GSTT4: variants seen among roughly 807,000 people sequenced by gnomAD.
The protein encoded by GSTT4 is glutathione S-transferase theta 4.
chr22:23,993,271 C>CA, the GSTT4 span, among the ~76,000 whole-genome samples: 3 of 152,194 alleles, frequency 2.0e-5, no homozygotes, highest in African/African-American at 7.2e-5. Flanking sequence ...CTGCGTTGCC[C>CA]AGGCTGGTCT....
downstream of GSTT4, among the ~76,000 whole-genome samples, chr22:23,993,540 C>G (rs1448970452): frequency 6.6e-6 from 1 of 152,216 alleles, no homozygotes; most frequent in Non-Finnish European, 1.5e-5. Context: ...GATTCAGAAC[C>G]TGGGCTGGAG....
chr22:23,990,004 G>C, the GSTT4 span, among the ~76,000 whole-genome samples: 7,581 of 115,218 alleles, frequency 0.066, 87 homozygotes, highest in East Asian at 0.09. Context: ...GTTGGGAAGA[G>C]TCAGCTGAGC....
intron 2 of GSTT4, among the ~76,000 whole-genome samples, chr22:24,002,428 G>A (rs2034252206): frequency 6.6e-6 from 1 of 152,272 alleles, no homozygotes; most frequent in Non-Finnish European, 1.5e-5. Context: ...CGCAGAACAA[G>A]GGCTCCTTTA....
the GSTT4 span, chr22:23,991,209 T>C: frequency 0.012 from 907 of 75,602 alleles, 8 homozygotes; most frequent in Middle Eastern, 0.022. Flanking sequence ...TAGATAATTA[T>C]GTAATAGTTT....
At chr22:23,993,544 G>A (rs1349010667), downstream of GSTT4, among the ~76,000 whole-genome samples, 2 of 152,238 alleles carry the variant, frequency 1.3e-5, no homozygotes, top group Non-Finnish European at 2.9e-5. Context: ...CAGAACCTGG[G>A]CTGGAGGCCC....
chr22:23,989,688 G>C, the GSTT4 span, among the ~76,000 whole-genome samples: 1 of 151,216 alleles, frequency 6.6e-6, no homozygotes, highest in Non-Finnish European at 1.5e-5. Context: ...TCAGCCCCCG[G>C]TGGCTCAGCT....
chr22:24,002,496 G>A (rs1239112711), intron 2 of GSTT4, among the ~76,000 whole-genome samples: 6 of 152,262 alleles, frequency 3.9e-5, no homozygotes, highest in Admixed American at 3.3e-4. Context: ...GAGAGCTATC[G>A]GTTAAAAAGT....
chr22:24,001,715 A>G (rs1298320158), intron 2 of GSTT4, among the ~76,000 whole-genome samples: 4 of 152,250 alleles, frequency 2.6e-5, no homozygotes, highest in Admixed American at 1.3e-4. Context: ...GGGGGGCACG[A>G]TGGCTCACAC....
At chr22:23,993,029 T>C in the GSTT4 span, among the ~76,000 whole-genome samples, 93 of 151,430 alleles carry the variant, frequency 6.1e-4, no homozygotes, top group East Asian at 5.8e-3. Context: ...CACCTCAGCC[T>C]CCCACAGTGC....
chr22:23,992,087 G>A, the GSTT4 span, among the ~76,000 whole-genome samples: 3 of 140,774 alleles, frequency 2.1e-5, no homozygotes, highest in East Asian at 2.1e-4. Context: ...AGAGGAGAAA[G>A]GAGGTGCAGC....
At chr22:23,999,167 C>T (rs1042059166) in intron 4 of GSTT4, among the ~76,000 whole-genome samples, 3 of 152,062 alleles carry the variant, frequency 2.0e-5, no homozygotes, top group Non-Finnish European at 4.4e-5. Context: ...GGAGACCTGG[C>T]GGGCAGTCTA....
chr22:23,994,763 A>G (rs973089204), downstream of GSTT4, among the ~76,000 whole-genome samples: 1 of 152,046 alleles, frequency 6.6e-6, no homozygotes, highest in Non-Finnish European at 1.5e-5. Flanking sequence ...CTTTTTCTGC[A>G]CCAAACGCAT....
At chr22:23,994,158 A>G (rs2034094351), downstream of GSTT4, among the ~76,000 whole-genome samples, 2 of 151,494 alleles carry the variant, frequency 1.3e-5, no homozygotes, top group South Asian at 2.1e-4. Context: ...AAAAAGAGCC[A>G]CAATTTATGC....
At chr22:23,990,735 T>TATCA in the GSTT4 span, among the ~76,000 whole-genome samples, 1 of 93,578 alleles carries the variant, frequency 1.1e-5, no homozygotes, top group African/African-American at 3.7e-5. Flanking sequence ...AACGAGGCAG[T>TATCA]TTGTTTTTTC....
At chr22:23,991,005 A>G in the GSTT4 span, among the ~76,000 whole-genome samples, 260 of 73,332 alleles carry the variant, frequency 3.5e-3, 84 homozygotes, top group Non-Finnish European at 6.0e-3. Context: ...ACCTCCTCTC[A>G]ATAATAATAA....
downstream of GSTT4, among the ~76,000 whole-genome samples, chr22:23,997,197 T>C (rs1421352781): frequency 1.3e-5 from 2 of 151,946 alleles, no homozygotes; most frequent in Non-Finnish European, 2.9e-5. Flanking sequence ...CTTTCTGGTT[T>C]CCATTTCATT....
intron 2 of GSTT4, among the ~76,000 whole-genome samples, chr22:24,002,632 C>G (rs545361702): frequency 2.1e-3 from 128 of 61,638 alleles, no homozygotes; most frequent in Admixed American, 7.2e-3. Context: ...AGATCGAGAC[C>G]ATCCTGGTTA....
downstream of GSTT4, among the ~76,000 whole-genome samples, chr22:23,994,308 G>A (rs1269333782): frequency 6.6e-6 from 1 of 151,794 alleles, no homozygotes; most frequent in Non-Finnish European, 1.5e-5. Flanking sequence ...CAATTCAGTG[G>A]TTTTTAGTAT....
At chr22:23,994,249 T>C (rs1472492916), downstream of GSTT4, among the ~76,000 whole-genome samples, 1 of 152,084 alleles carries the variant, frequency 6.6e-6, no homozygotes, top group Non-Finnish European at 1.5e-5. Flanking sequence ...TCCCATACCA[T>C]AATATCCACC....
Sources: gnomAD v4.1 joint callset for allele counts (sites outside exome capture counted in the v4.1 genomes callset) on GRCh38, gnomAD v4.1.1 for gene constraint, MANE v1.5 for transcripts, NCBI Gene and HGNC (gene_info 2026-07-23, HGNC 2026-07-21) for gene names.